OSBP2: variants seen among roughly 807,000 people sequenced by gnomAD.
OSBP2 encodes the protein oxysterol binding protein 2, also known as oxysterol-binding protein 2.
A neutral mutation model predicts 96.0 loss-of-function variants in OSBP2; 66 were observed. That is an observed-to-expected ratio of 0.69 (90% CI 0.56 to 0.84). The LOEUF (loss-of-function observed/expected upper bound fraction) is 0.84. Ranked by LOEUF, OSBP2 falls within the 40% of genes least tolerant of loss-of-function variation. OSBP2 has a pLI of 0.00. For missense variants in OSBP2, 1,038 were observed against 1,222.7 expected (o/e 0.85, Z 2.25); for synonymous variants, 525 against 520.9 (o/e 1.01, Z -0.11).
intron 2 of OSBP2, among the ~76,000 whole-genome samples, chr22:30,761,466 G>T (rs2090203848): frequency 6.6e-6 from 1 of 152,132 alleles, no homozygotes; most frequent in Non-Finnish European, 1.5e-5. Flanking sequence ...GACATACAAT[G>T]CTCATGGATC....
intron 2 of OSBP2, among the ~76,000 whole-genome samples, chr22:30,743,424 C>T (rs776521619): frequency 1.3e-5 from 2 of 152,180 alleles, no homozygotes; most frequent in Admixed American, 6.5e-5. Flanking sequence ...TCTCGTATGT[C>T]AGCAATGATG....
rs754546373 is a variant in OSBP2, at chr22:30,870,702, G to C, written c.1107+20G>C. The C allele has an allele frequency of 6.2e-7, 1 of 1,604,718 alleles. No individual in the cohort carries two copies. Among genetic ancestry groups the C allele is most frequent in the Non-Finnish European group, 8.5e-7 (1 of 1,173,460 alleles). The stretch of plus-strand genomic sequence containing the variant: ...ATCAACGTGAGTACCCACCCCCACC[G>C]CCCTGGCACGGGGCTCCCTGGCTCC... On this transcript the variant is annotated intron_variant, in intron 3 of 13. Coordinates refer to ENST00000332585, the MANE Select transcript of OSBP2 (RefSeq NM_030758.4). The surrounding 1 kb of genome is among the most constrained non-coding windows in gnomAD (Gnocchi z 4.1).
intron 2 of OSBP2, among the ~76,000 whole-genome samples, chr22:30,762,188 C>T (rs770181013): frequency 1.3e-5 from 2 of 151,948 alleles, no homozygotes; most frequent in Non-Finnish European, 2.9e-5. Flanking sequence ...CACTACTGCA[C>T]TCCAGCCTGG....
At chr22:30,704,465 G>A (rs1359740414) in intron 1 of OSBP2, among the ~76,000 whole-genome samples, 2 of 151,932 alleles carry the variant, frequency 1.3e-5, no homozygotes, top group Non-Finnish European at 2.9e-5. Context: ...CGTCATGTGG[G>A]CACCTTCTGT....
At chr22:30,823,236 G>A (rs13058040) in intron 2 of OSBP2, among the ~76,000 whole-genome samples, 43,005 of 152,150 alleles carry the variant, frequency 0.28, 6,329 homozygotes, top group Middle Eastern at 0.41. Context: ...GACTGCCCTG[G>A]CCTGTGCAGG....
intron 12 of OSBP2, chr22:30,894,315 A>G: frequency 3.3e-6 from 1 of 300,814 alleles, no homozygotes; most frequent in Admixed American, 4.6e-5. Context: ...TGGCATAGGA[A>G]AGTCCAAAGA....
chr22:30,704,410 G>C (rs1337766635), intron 1 of OSBP2, among the ~76,000 whole-genome samples: 1 of 152,128 alleles, frequency 6.6e-6, no homozygotes, highest in East Asian at 1.9e-4. Flanking sequence ...TGCCAACCAG[G>C]GAAGATCCTT....
At chr22:30,863,386 G>A (rs1407563823) in intron 2 of OSBP2, among the ~76,000 whole-genome samples, 3 of 152,134 alleles carry the variant, frequency 2.0e-5, no homozygotes, top group South Asian at 2.1e-4. Flanking sequence ...AGGGTGCAGC[G>A]CCCCCGCAGT....
intron 2 of OSBP2, among the ~76,000 whole-genome samples, chr22:30,744,408 C>T (rs1308861985): frequency 6.6e-6 from 1 of 152,132 alleles, no homozygotes; most frequent in African/African-American, 2.4e-5. Context: ...GGCCTGTTTT[C>T]TTCTCCTGAA....
intron 2 of OSBP2, among the ~76,000 whole-genome samples, chr22:30,770,936 G>A (rs942304128): frequency 3.3e-5 from 5 of 152,182 alleles, no homozygotes; most frequent in Non-Finnish European, 7.3e-5. Flanking sequence ...TGGTCATTGC[G>A]GCTGCTTGAG....
At chr22:30,837,920 T>A (rs985189832) in intron 2 of OSBP2, among the ~76,000 whole-genome samples, 1 of 152,244 alleles carries the variant, frequency 6.6e-6, no homozygotes, top group East Asian at 1.9e-4. Context: ...ATGTGCTTTT[T>A]GTGAAAGAGC....
chr22:30,898,508 A>G (rs1252037836), intron 12 of OSBP2, among the ~76,000 whole-genome samples: 1 of 152,170 alleles, frequency 6.6e-6, no homozygotes, highest in Admixed American at 6.5e-5. Flanking sequence ...TTGATTGGGG[A>G]AGCCTCAGGA....
intron 2 of OSBP2, among the ~76,000 whole-genome samples, chr22:30,776,386 A>C (rs142161730): frequency 6.6e-6 from 1 of 152,018 alleles, no homozygotes; most frequent in East Asian, 1.9e-4. Flanking sequence ...CTGCCTCCCA[A>C]CATGCTGGGA....
chr22:30,856,536 G>A lies in OSBP2; in HGVS notation c.854-13893G>A, dbSNP rs573279710. Among the ~76,000 whole-genome samples, 32 of 151,814 alleles carry A rather than the reference G, an allele frequency of 2.1e-4. No individual in the cohort carries two copies. In the South Asian group the frequency reaches 4.6e-3, roughly 22 times the overall value. Reference sequence around the variant, plus strand: ...TGAGTAGCTGGGACTACAGGCATGCGCCACCATGCCTGACTAATTTTTGTA... The same window carrying A: ...TGAGTAGCTGGGACTACAGGCATGCACCACCATGCCTGACTAATTTTTGTA... On this transcript the variant is annotated intron_variant, in intron 2 of 13. Coordinates refer to ENST00000332585, the MANE Select transcript of OSBP2 (RefSeq NM_030758.4).
intron 12 of OSBP2, 190 bp downstream of exon 12, chr22:30,894,191 C>T (rs1014704734): frequency 1.7e-6 from 1 of 597,758 alleles, no homozygotes; most frequent in South Asian, 2.0e-5. Flanking sequence ...AACTATCAAA[C>T]ACTATGCACA....
At chr22:30,696,294 G>C (rs1372648631) in intron 1 of OSBP2, among the ~76,000 whole-genome samples, 2 of 152,196 alleles carry the variant, frequency 1.3e-5, no homozygotes, top group African/African-American at 4.8e-5. Flanking sequence ...GCTCTTCCCT[G>C]GGTCTGCTTC....
At chr22:30,709,806 T>G (rs1407536560) in intron 1 of OSBP2, among the ~76,000 whole-genome samples, 1 of 151,946 alleles carries the variant, frequency 6.6e-6, no homozygotes, top group Non-Finnish European at 1.5e-5. Flanking sequence ...AAAGTGCTGG[T>G]ATTACAGATG....
chr22:30,703,334 C>T (rs1004737055), intron 1 of OSBP2, among the ~76,000 whole-genome samples: 3 of 151,936 alleles, frequency 2.0e-5, no homozygotes, highest in Non-Finnish European at 4.4e-5. Flanking sequence ...CCACCACACC[C>T]AGCTAATTTT....
rs1181698099 is a variant in OSBP2 at position 30,907,137 on chromosome 22, G to C, written c.*798G>C. ...CCAAGAGGCCAGGAAGGGCTGGAAG[G>C]CAGGGCCTGCAGGTGCTCCCCGCCC... On this transcript the variant is annotated 3_prime_UTR_variant, in exon 14 of 14. Transcript: ENST00000332585. 1 of 152,652 alleles carries C rather than the reference G, an allele frequency of 6.6e-6. No homozygotes were observed. The highest frequency in any genetic ancestry group is 1.5e-5 in the Non-Finnish European group (1 of 68,096). The allele number at this position is 152,652 out of a possible 1,614,324, so 9.5% of individuals were successfully genotyped here.
Sources: allele counts gnomAD v4.1 joint callset (sites outside exome capture counted in the v4.1 genomes callset), GRCh38; gene constraint gnomAD v4.1.1; non-coding constraint Gnocchi (gnomAD v3.1); transcripts MANE v1.5; gene names NCBI Gene and HGNC (gene_info 2026-07-23, HGNC 2026-07-21).